Variants in DTL observed in about 807,000 individuals in gnomAD.
The protein encoded by DTL is denticleless E3 ubiquitin protein ligase adapter.
DTL carries 46 observed loss-of-function variants against 87.0 expected under a neutral mutation model. The observed-to-expected ratio is 0.53, with a 90% confidence interval of 0.42 to 0.68. DTL has a LOEUF of 0.68. DTL is among the 30% of genes least tolerant of loss of function. DTL has a pLI of 0.00. For missense variants in DTL, 737 were observed against 869.4 expected, an observed-to-expected ratio of 0.85 and a Z score of 1.91; for synonymous variants, 308 against 311.2, an observed-to-expected ratio of 0.99 and a Z score of 0.11.
rs78585640 is a variant in DTL at position 212,075,577 on chromosome 1, A to T, written c.1036-2596A>T. On this transcript the variant is annotated intron_variant, in intron 11 of 14. Coordinates refer to ENST00000366991, the MANE Select transcript of DTL (RefSeq NM_016448.4). ...CACCTGAATCTCATTAGAAGGAATG[A>T]ATCTTTCTTGAAGTAGTCATACTAT... Among the ~76,000 whole-genome samples, 1,214 of 152,306 alleles carry T rather than the reference A, an allele frequency of 8.0e-3. 17 individuals are homozygous for T. Among genetic ancestry groups the T allele is most frequent in the African/African-American group, 0.027 (1,141 of 41,566 alleles).
At chr1:212,062,984 G>T in intron 6 of DTL, 35 bp downstream of exon 6, 1 of 1,501,960 alleles carries the variant, frequency 6.7e-7, no homozygotes, top group South Asian at 1.1e-5. Flanking sequence ...GAGAGATTTG[G>T]GATTACCCTG....
chr1:212,043,828 CAAAAA>C (rs35962372), intron 2 of DTL, among the ~76,000 whole-genome samples: 4 of 83,696 alleles, frequency 4.8e-5, no homozygotes, highest in Admixed American at 1.4e-4. Context: ...ACTTCATCTC[CAAAAA>C]AAAAAAAAAA....
At chr1:212,048,684 C>G (rs988977453) in intron 5 of DTL, among the ~76,000 whole-genome samples, 1 of 152,020 alleles carries the variant, frequency 6.6e-6, no homozygotes, top group Non-Finnish European at 1.5e-5. Flanking sequence ...TTTTCTCCTT[C>G]CATTTGTTTC....
chr1:212,048,137 T>C (rs746810923), intron 5 of DTL, among the ~76,000 whole-genome samples: 10 of 152,334 alleles, frequency 6.6e-5, no homozygotes, highest in Admixed American at 1.3e-4. Context: ...ACATAATTTT[T>C]TTCTACCTAA....
rs143101192 is a variant in DTL at position 212,065,415 on chromosome 1, G to A, written c.639+386G>A. 2.3e-3 allele frequency among the ~76,000 whole-genome samples: 351 copies of A among 151,868 alleles called. 2 individuals are homozygous for A. Among genetic ancestry groups the A allele is most frequent in the African/African-American group, 8.0e-3 (331 of 41,390 alleles). ...GATAACATAATTTTACATATTTTGGGGGGTACACTATGTATAATGATCAAA... is the reference window on the plus strand; with the variant it reads ...GATAACATAATTTTACATATTTTGGAGGGTACACTATGTATAATGATCAAA... On this transcript the variant is annotated intron_variant, in intron 7 of 14. Transcript: ENST00000366991.
At chr1:212,071,459 A>G (rs1055065724) in intron 10 of DTL, among the ~76,000 whole-genome samples, 5 of 152,162 alleles carry the variant, frequency 3.3e-5, no homozygotes, top group Admixed American at 3.3e-4. Context: ...CTAGTGCCTT[A>G]CATATAAACA....
chr1:212,077,608 T>A (rs1202351521), intron 11 of DTL: 1 of 153,384 alleles, frequency 6.5e-6, no homozygotes, highest in Non-Finnish European at 1.5e-5. Flanking sequence ...TTGTAAAAGT[T>A]AGTGACCAGC....
At chr1:212,059,319 C>T (rs1304139053) in intron 5 of DTL, among the ~76,000 whole-genome samples, 1 of 151,292 alleles carries the variant, frequency 6.6e-6, no homozygotes, top group African/African-American at 2.4e-5. Context: ...AAAAAATACA[C>T]CATGATCAAG....
At chr1:212,094,854 T>G (rs2102582981) in intron 13 of DTL, among the ~76,000 whole-genome samples, 1 of 152,316 alleles carries the variant, frequency 6.6e-6, no homozygotes, top group East Asian at 1.9e-4. Flanking sequence ...TTGCAGCTAT[T>G]GTAAAAGGGG....
chr1:212,054,008 T>C (rs1293351984), intron 5 of DTL, among the ~76,000 whole-genome samples: 3 of 152,240 alleles, frequency 2.0e-5, no homozygotes, highest in African/African-American at 7.2e-5. Flanking sequence ...GATTCTGTTA[T>C]ATTGCTTAGA....
Position 212,100,410 on chromosome 1 carries a change from G to A in DTL, c.1420G>A (p.Ala474Thr). The A allele has an allele frequency of 1.9e-6, 3 of 1,613,812 alleles. No individual in the cohort carries two copies. The highest frequency in any genetic ancestry group is 2.5e-6 in the Non-Finnish European group (3 of 1,179,956). Residue 474 changes from alanine to threonine, a missense_variant, in exon 14 of 15, where the codon GCC (alanine) becomes ACC (threonine). Physicochemically the swap from Ala to Thr is moderately conservative, Grantham distance 58. Coordinates refer to ENST00000366991, the MANE Select transcript of DTL (RefSeq NM_016448.4). ...TACGTTCTCTATTAAAACCTCTCCT[G>A]CCAAGGCCCGGTCTCCCATCAACAG... ...TPTFSIKTSP[A>T]KARSPINRRG... is the part of the protein sequence containing the mutation.
At chr1:212,052,230 T>G (rs1239610352) in intron 5 of DTL, among the ~76,000 whole-genome samples, 1 of 152,224 alleles carries the variant, frequency 6.6e-6, no homozygotes, top group African/African-American at 2.4e-5. Context: ...AGTTTGACTG[T>G]GGTATGTCTA....
intron 5 of DTL, among the ~76,000 whole-genome samples, chr1:212,062,137 G>C (rs1238295602): frequency 6.6e-6 from 1 of 152,128 alleles, no homozygotes; most frequent in Admixed American, 6.6e-5. Flanking sequence ...CTATGTATCA[G>C]TAAGAAAAAT....
At chr1:212,077,152 A>G (rs553951282) in intron 11 of DTL, among the ~76,000 whole-genome samples, 1 of 152,156 alleles carries the variant, frequency 6.6e-6, no homozygotes, top group Non-Finnish European at 1.5e-5. Context: ...GCCTCAGGAA[A>G]ATGAAAAGAG....
At chr1:212,078,050 G>C in intron 11 of DTL, 123 bp from the exon 12 acceptor site, 1 of 528,014 alleles carries the variant, frequency 1.9e-6, no homozygotes, top group African/African-American at 2.0e-5. Context: ...ACTATAGCTA[G>C]GCAGGTCTAG....
rs1321246377 is a variant in DTL at position 212,100,330 on chromosome 1, C to T, written c.1340C>T (p.Ser447Phe). ...KCNPSNSSPSSAACAPSCAGD... is the reference protein window; with the variant it reads ...KCNPSNSSPSFAACAPSCAGD... Reference sequence around the variant, plus strand: ...AATCCATCCAATTCTTCCCCGTCATCCGCAGCTTGTGCCCCAAGCTGTGCT... The same window carrying T: ...AATCCATCCAATTCTTCCCCGTCATTCGCAGCTTGTGCCCCAAGCTGTGCT... Residue 447 changes from serine (S) to phenylalanine (F), a missense_variant, in exon 14 of 15, where the codon TCC becomes TTC. Ser to Phe is a radical substitution (Grantham distance 155). Transcript: ENST00000366991. The T allele has an allele frequency of 1.2e-6, 2 of 1,613,390 alleles. No individual in the cohort carries two copies. Among genetic ancestry groups the T allele is most frequent in the Non-Finnish European group, 1.7e-6 (2 of 1,179,700 alleles).
chr1:212,096,458 A>G (rs889830608), intron 13 of DTL, among the ~76,000 whole-genome samples: 3 of 151,970 alleles, frequency 2.0e-5, no homozygotes, highest in Non-Finnish European at 1.5e-5. Context: ...TTGAGGTGTG[A>G]CCTTAGATTG....
At chr1:212,053,654 C>G (rs150467314) in intron 5 of DTL, among the ~76,000 whole-genome samples, 4,196 of 152,166 alleles carry the variant, frequency 0.028, 147 homozygotes, top group East Asian at 0.12. Flanking sequence ...GTGGCGAAAT[C>G]TGCTCACTGC....
chr1:212,100,984 C>T lies in DTL; in HGVS notation c.1994C>T (p.Ala665Val), dbSNP rs763080064. Residue 665 changes from alanine to valine, a missense_variant, in exon 14 of 15, where the codon GCC becomes GTC. Transcript: ENST00000366991. ...CCAGAGAATAAAAACTGGTTGTTGG[C>T]CATGGCAGCCAAACGGAAGGCTGAG... ...SSPENKNWLLAMAAKRKAENP... is the reference protein window; with the variant it reads ...SSPENKNWLLVMAAKRKAENP... The T allele has an allele frequency of 1.2e-6, 2 of 1,613,992 alleles. No homozygotes were observed. The highest frequency in any genetic ancestry group is 1.7e-6 in the Non-Finnish European group (2 of 1,180,010).
Sources: gnomAD v4.1 joint callset for allele counts (sites outside exome capture counted in the v4.1 genomes callset) on GRCh38, gnomAD v4.1.1 for gene constraint, MANE v1.5 for transcripts, NCBI Gene and HGNC (gene_info 2026-07-23, HGNC 2026-07-21) for gene names.